AZU1: variants seen among roughly 807,000 people sequenced by gnomAD.
AZU1 encodes azurocidin.
AZU1 carries 21 observed loss-of-function variants against 17.8 expected under a neutral mutation model. The observed-to-expected ratio is 1.18, with a 90% CI of 0.84 to 1.70. The LOEUF is 1.70. Ranked by LOEUF, AZU1 falls within the 40% of genes most tolerant of loss-of-function variation. AZU1 has a pLI of 0.00. For synonymous variants in AZU1, 178 were observed against 155.2 expected (o/e 1.15, Z -1.09); for missense variants, 379 against 362.9 (o/e 1.04, Z -0.36).
intron 4 of AZU1, 89 bp from the exon 5 acceptor site, chr19:831,627 G>A: frequency 7.2e-7 from 1 of 1,384,416 alleles, no homozygotes; most frequent in Non-Finnish European, 9.6e-7. Flanking sequence ...GGACTTGTAG[G>A]TTCCAGGGGC....
intron 2 of AZU1, among the ~76,000 whole-genome samples, chr19:828,923 A>T (rs528333858): frequency 3.2e-4 from 34 of 104,696 alleles, no homozygotes; most frequent in Middle Eastern, 6.6e-3. Flanking sequence ...CCTCAGATGG[A>T]GGAGGTGCGG....
Position 829,689 on chromosome 19 carries a change from G to A in AZU1, c.343G>A (p.Asp115Asn), listed in dbSNP as rs1361615356. Reference protein sequence around the residue: ...NGYDPQQNLNDLMLLQLDREA... With the variant: ...NGYDPQQNLNNLMLLQLDREA... Reference sequence around the variant, plus strand: ...CTACGACCCCCAGCAGAACCTGAACGACCTGATGCTGCTTCAGGTGAGAGG... The same window carrying A: ...CTACGACCCCCAGCAGAACCTGAACAACCTGATGCTGCTTCAGGTGAGAGG... The change falls in exon 3 of 5, where the codon GAC becomes AAC. Residue 115 changes from aspartate (D) to asparagine (N), a missense_variant. Transcript: ENST00000233997. 5.0e-6 allele frequency: 8 copies of A among 1,613,156 alleles called. No individual in the cohort carries two copies. Among genetic ancestry groups the A allele is most frequent in the Middle Eastern group, 1.6e-4 (1 of 6,078 alleles).
chr19:829,859 C>CG (rs1204383318), intron 3 of AZU1, among the ~76,000 whole-genome samples, 153 bp downstream of exon 3: 3 of 151,702 alleles, frequency 2.0e-5, no homozygotes, highest in Non-Finnish European at 4.4e-5. Flanking sequence ...GAGGCCGAGG[C>CG]GGAAGGACGG....
In AZU1 at chr19:829,625, C is replaced by T; in HGVS notation, c.279C>T (p.Ser93=). ...AYDLRRRERQ[S]RQTFSISSMS... The stretch of plus-strand genomic sequence containing the variant: ...ACCTGAGGCGGCGGGAGAGGCAGTC[C>T]CGCCAGACGTTTTCCATCAGCAGCA... Residue 93 remains serine, a synonymous_variant, in exon 3 of 5, where the codon TCC becomes TCT. Coordinates refer to ENST00000233997, the MANE Select transcript of AZU1 (RefSeq NM_001700.5). The T allele has an allele frequency of 6.2e-7, 1 of 1,613,340 alleles. No homozygotes were observed. The highest frequency in any genetic ancestry group is 8.5e-7 in the Non-Finnish European group (1 of 1,179,972).
chr19:829,287 G>A (rs1189302402), intron 2 of AZU1, among the ~76,000 whole-genome samples: 2 of 151,484 alleles, frequency 1.3e-5, no homozygotes, highest in East Asian at 3.9e-4. Flanking sequence ...GTCAGATGGA[G>A]GAGGCTCAGA....
chr19:831,204 C>T, intron 4 of AZU1: 1 of 474,256 alleles, frequency 2.1e-6, no homozygotes, highest in South Asian at 3.3e-5. Flanking sequence ...CCTCAGCCTC[C>T]TAAGTAGCTG....
chr19:830,569 C>G lies in AZU1; in HGVS notation c.361-139C>G, dbSNP rs959994450. 15 of 765,338 alleles carry G rather than the reference C, an allele frequency of 2.0e-5. No homozygotes were observed. The African/African-American group carries it at 2.5e-4, about 13-fold the overall frequency. 47.4% of individuals were successfully genotyped at this position (765,338 alleles called of 1,614,324 possible). A position where few individuals can be genotyped will look rare whatever the true frequency, so the allele number is the denominator to read the frequency against. On this transcript the variant is annotated intron_variant, in intron 3 of 4. Coordinates refer to ENST00000233997, the MANE Select transcript of AZU1 (RefSeq NM_001700.5). ...TGCTGGGAATACAGGCGTGAGCCACCGCACCCGGCCCCTGCCGGGAATTAA... is the reference window on the plus strand; with the variant it reads ...TGCTGGGAATACAGGCGTGAGCCACGGCACCCGGCCCCTGCCGGGAATTAA...
At position 830,116 on chromosome 19, in the gene AZU1, C is replaced by T. The variant is rs540985196; in HGVS notation, c.360+410C>T. On this transcript the variant is annotated intron_variant, in intron 3 of 4. Transcript: ENST00000233997. ...CTCTACTAAAAATACAAAAATTAGC[C>T]AGGCATGGCAGCGGGCGCCTCTAGT... Among the ~76,000 whole-genome samples the T allele has an allele frequency of 3.9e-5, 6 of 152,090 alleles. No homozygotes were observed. The East Asian group carries it at 1.2e-3, about 29-fold the overall frequency.
At chr19:830,572 A>T in intron 3 of AZU1, 136 bp from the exon 4 acceptor site, 2 of 777,860 alleles carry the variant, frequency 2.6e-6, no homozygotes, top group Non-Finnish European at 3.9e-6. Context: ...GAGCCACCGC[A>T]CCCGGCCCCT....
At chr19:829,820 GGC>G (rs2035264919) in intron 3 of AZU1, 114 bp downstream of exon 3, 1 of 1,403,198 alleles carries the variant, frequency 7.1e-7, no homozygotes. Flanking sequence ...CGGGAGTGGT[GGC>G]GCGCACCTGT....
chr19:829,220 G>A (rs113437230), intron 2 of AZU1, among the ~76,000 whole-genome samples: 47 of 26,722 alleles, frequency 1.8e-3, no homozygotes, highest in African/African-American at 5.7e-3. Context: ...GGTCAGATGG[G>A]GGAGGCCCAG....
Position 830,898 on chromosome 19 carries a change from A to T in AZU1, c.551A>T (p.Asn184Ile), listed in dbSNP as rs904809336. The T allele has an allele frequency of 6.2e-6, 10 of 1,604,730 alleles. No individual in the cohort carries two copies. Among genetic ancestry groups the T allele is most frequent in the Non-Finnish European group, 6.8e-6 (8 of 1,179,910 alleles). Residue 184 changes from asparagine to isoleucine, a missense_variant, in exon 4 of 5, where the codon AAC (asparagine) becomes ATC (isoleucine). Asn to Ile is a moderately radical substitution (Grantham distance 149). Transcript: ENST00000233997. ...VTPEDQCRPN[N>I]VCTGVLTRRG... Reference sequence around the variant, plus strand: ...CCCGAGGACCAGTGTCGCCCCAACAACGTGTGCACCGGTGTGCTCACCCGC... The same window carrying T: ...CCCGAGGACCAGTGTCGCCCCAACATCGTGTGCACCGGTGTGCTCACCCGC...
At chr19:828,038 C>G (rs529075044) in intron 1 of AZU1, 134 bp downstream of exon 1, 22 of 1,398,496 alleles carry the variant, frequency 1.6e-5, no homozygotes, top group Non-Finnish European at 2.0e-5. Flanking sequence ...TGGACGATCC[C>G]GCGAAAGGCG....
chr19:831,653 C>T, intron 4 of AZU1, 63 bp from the exon 5 acceptor site: 1 of 1,482,848 alleles, frequency 6.7e-7, no homozygotes, highest in Non-Finnish European at 9.0e-7. Flanking sequence ...GAGGCCTCTG[C>T]AGTTCTGGGG....
At chr19:828,186 G>T (rs1233006143) in intron 1 of AZU1, 44 bp from the exon 2 acceptor site, 1 of 1,550,622 alleles carries the variant, frequency 6.4e-7, no homozygotes. Context: ...CCCGGCCACT[G>T]TGTGGATTCT....
Position 828,376 on chromosome 19 carries a change from T to G in AZU1, c.205T>G (p.Phe69Val), listed in dbSNP as rs769448939. 1 of 1,588,720 alleles carries G rather than the reference T, an allele frequency of 6.3e-7. No homozygotes were observed. Among genetic ancestry groups the G allele is most frequent in the Non-Finnish European group, 8.6e-7 (1 of 1,166,562 alleles). Residue 69 changes from phenylalanine (F) to valine (V), a missense_variant, in exon 2 of 5, where the codon TTC (phenylalanine) becomes GTC (valine). By Grantham distance (50) the Phe-to-Val change is conservative. Coordinates refer to ENST00000233997, the MANE Select transcript of AZU1 (RefSeq NM_001700.5). ...CTTCGTGATGACCGCGGCCAGCTGCTTCCAAAGCCAGTGAGGGGTCCTGGG... is the reference window on the plus strand; with the variant it reads ...CTTCGTGATGACCGCGGCCAGCTGCGTCCAAAGCCAGTGAGGGGTCCTGGG... ...ARFVMTAASC[F>V]QSQNPGVSTV...
rs141563771 is a variant in AZU1 at position 830,773 on chromosome 19, G to T, written c.426G>T (p.Thr142=). Residue 142 remains threonine (T), a synonymous_variant, in exon 4 of 5, where the codon ACG becomes ACT. Transcript: ENST00000233997. ...TILPLPLQNA[T]VEAGTRCQVA... is the part of the protein sequence containing the mutation. Reference sequence around the variant, plus strand: ...TGCCACTGCCTCTGCAGAACGCCACGGTGGAAGCCGGCACCAGATGCCAGG... The same window carrying T: ...TGCCACTGCCTCTGCAGAACGCCACTGTGGAAGCCGGCACCAGATGCCAGG... 1.2e-6 allele frequency: 2 copies of T among 1,604,536 alleles called. No homozygotes were observed. Among genetic ancestry groups the T allele is most frequent in the Admixed American group, 1.7e-5 (1 of 59,978 alleles).
At chr19:828,426 C>T (rs777814627) in intron 2 of AZU1, 40 bp downstream of exon 2, 1 of 1,430,816 alleles carries the variant, frequency 7.0e-7, no homozygotes, top group Non-Finnish European at 9.2e-7. Context: ...GGCATTGGGG[C>T]TCAGAGAAGG....
In AZU1 at chr19:829,663, G is replaced by T. The variant is rs1227640812; in HGVS notation, c.317G>T (p.Gly106Val). 10 of 1,613,334 alleles carry T rather than the reference G, an allele frequency of 6.2e-6. No homozygotes were observed. The Admixed American group carries it at 1.5e-4, about 24-fold the overall frequency. Reference protein sequence around the residue: ...TFSISSMSENGYDPQQNLNDL... With the variant: ...TFSISSMSENVYDPQQNLNDL... ...TCCATCAGCAGCATGAGCGAGAATGGCTACGACCCCCAGCAGAACCTGAAC... is the reference window on the plus strand; with the variant it reads ...TCCATCAGCAGCATGAGCGAGAATGTCTACGACCCCCAGCAGAACCTGAAC... Residue 106 changes from glycine (G) to valine (V), a missense_variant, in exon 3 of 5, where the codon GGC (glycine) becomes GTC (valine). Transcript: ENST00000233997.
Sources: gnomAD v4.1 joint callset for allele counts (sites outside exome capture counted in the v4.1 genomes callset) on GRCh38, gnomAD v4.1.1 for gene constraint, MANE v1.5 for transcripts, NCBI Gene and HGNC (gene_info 2026-07-23, HGNC 2026-07-21) for gene names.